Variants in PIGU observed in about 807,000 individuals in gnomAD.
PIGU encodes the protein phosphatidylinositol glycan anchor biosynthesis class U.
A neutral mutation model predicts 49.9 loss-of-function variants in PIGU; 24 were observed. The ratio of observed to expected loss-of-function variants is 0.48; its 90% CI spans 0.35 to 0.68. PIGU has a LOEUF of 0.68. Among genes scored for constraint, PIGU ranks in the 30% least tolerant of loss-of-function variants. The pLI, the probability that PIGU is intolerant of heterozygous loss-of-function variation, is 0.01. For missense variants in PIGU, 490 were observed against 532.6 expected (o/e 0.92, Z 0.79); for synonymous variants, 220 against 205.7 (o/e 1.07, Z -0.59).
At position 34,560,685 on chromosome 20, in the gene PIGU, C is replaced by G; in HGVS notation, c.*181G>C. On this transcript the variant is annotated 3_prime_UTR_variant, in exon 12 of 12. Coordinates refer to ENST00000217446, the MANE Select transcript of PIGU (RefSeq NM_080476.5). ...GGTCCAAGTTGGGGAGCTCCCAGTTCTTCCCCATAGGCCTTGCTGTCAGTC... is the reference window on the plus strand; with the variant it reads ...GGTCCAAGTTGGGGAGCTCCCAGTTGTTCCCCATAGGCCTTGCTGTCAGTC... The G allele has an allele frequency of 2.1e-6, 1 of 467,100 alleles. No individual in the cohort carries two copies. The highest frequency in any genetic ancestry group is 3.7e-6 in the Non-Finnish European group (1 of 266,892). The allele number at this position is 467,100 out of a possible 1,614,324, so 28.9% of individuals were successfully genotyped here.
chr20:34,590,577 GTAACATAACATAACATAACATAACA>G (rs10544376), intron 7 of PIGU, among the ~76,000 whole-genome samples: 12 of 140,638 alleles, frequency 8.5e-5, no homozygotes, highest in Middle Eastern at 3.5e-3. Context: ...ATAGCGTAAC[GTAACATAACATAACATAACATAACA>G]TAACATAACA....
chr20:34,632,265 A>T (rs1985807153), intron 6 of PIGU, among the ~76,000 whole-genome samples: 1 of 152,180 alleles, frequency 6.6e-6, no homozygotes. Context: ...AGGAAAAGTT[A>T]TTCGAGTCTA....
At chr20:34,671,125 T>C (rs1345331773) in intron 1 of PIGU, among the ~76,000 whole-genome samples, 1 of 152,232 alleles carries the variant, frequency 6.6e-6, no homozygotes, top group Non-Finnish European at 1.5e-5. Context: ...TCTCCATGCC[T>C]CAATTTTCTC....
At chr20:34,622,177 C>G (rs898199624) in intron 6 of PIGU, among the ~76,000 whole-genome samples, 1 of 152,150 alleles carries the variant, frequency 6.6e-6, no homozygotes, top group Non-Finnish European at 1.5e-5. Context: ...CGTATCTGTA[C>G]ACTAATGAGT....
At chr20:34,642,744 CTTTTTTT>C (rs946911419) in intron 4 of PIGU, among the ~76,000 whole-genome samples, 2 of 91,156 alleles carry the variant, frequency 2.2e-5, no homozygotes, top group African/African-American at 4.1e-5. Context: ...TTTCCCTAGT[CTTTTTTT>C]TTTTTTTTTT....
chr20:34,565,176 T>A (rs1191293381), intron 11 of PIGU, among the ~76,000 whole-genome samples: 2 of 152,126 alleles, frequency 1.3e-5, no homozygotes, highest in East Asian at 3.8e-4. Flanking sequence ...TGATATTAAG[T>A]CTCTTCCTGT....
intron 9 of PIGU, among the ~76,000 whole-genome samples, chr20:34,584,294 G>A (rs1406529694): frequency 1.3e-5 from 2 of 152,206 alleles, no homozygotes; most frequent in African/African-American, 4.8e-5. Flanking sequence ...AATGGAGCAG[G>A]CCTAACATCT....
intron 11 of PIGU, among the ~76,000 whole-genome samples, chr20:34,568,873 G>C (rs925670718): frequency 3.3e-5 from 5 of 152,202 alleles, no homozygotes; most frequent in Non-Finnish European, 7.3e-5. Context: ...ATAGGCAGTG[G>C]CTTGAGGAGT....
At chr20:34,666,534 AT>A (rs1235390539) in intron 1 of PIGU, among the ~76,000 whole-genome samples, 14 of 150,098 alleles carry the variant, frequency 9.3e-5, no homozygotes, top group Non-Finnish European at 2.1e-4. Context: ...TAATTTATTT[AT>A]TTATTTATTT....
intron 11 of PIGU, among the ~76,000 whole-genome samples, chr20:34,567,031 G>A (rs1328718615): frequency 2.0e-5 from 3 of 152,230 alleles, no homozygotes; most frequent in East Asian, 3.8e-4. Context: ...AGAGAAGCAG[G>A]TGCTATCACC....
rs534834142 is a variant in PIGU, at chr20:34,653,514, C to CT, written c.195+3665dup. ...ATACCCTTGGCTCTGAAATTTGTTT[C>CT]TTTTTTTTACTAACTTATTGTCTGT... On this transcript the variant is annotated intron_variant, in intron 2 of 11. Transcript: ENST00000217446. Among the ~76,000 whole-genome samples, 251 of 152,084 alleles carry CT rather than the reference C, an allele frequency of 1.7e-3. 2 individuals are homozygous for CT. The highest frequency in any genetic ancestry group is 5.6e-3 in the African/African-American group (233 of 41,500).
At chr20:34,584,137 T>C (rs1568625960) in intron 9 of PIGU, among the ~76,000 whole-genome samples, 1 of 152,176 alleles carries the variant, frequency 6.6e-6, no homozygotes, top group Non-Finnish European at 1.5e-5. Context: ...CACTGCTTAC[T>C]AGCTGTGTGA....
Position 34,632,486 on chromosome 20 carries a change from G to A in PIGU, c.529+2129C>T, listed in dbSNP as rs564530749. Among the ~76,000 whole-genome samples the A allele has an allele frequency of 4.6e-5, 7 of 151,650 alleles. No homozygotes were observed. The South Asian group carries it at 1.5e-3, about 32-fold the overall frequency. On this transcript the variant is annotated intron_variant, in intron 6 of 11. Transcript: ENST00000217446. ...CAGGTTCAAGCAATTCTCTGCCTCA[G>A]CCTCCCAAGTAGCTGGGATTACAGG...
chr20:34,619,507 G>GC (rs1985128384), intron 6 of PIGU, among the ~76,000 whole-genome samples: 1 of 152,198 alleles, frequency 6.6e-6, no homozygotes, highest in Non-Finnish European at 1.5e-5. Context: ...CGGATTGAAA[G>GC]CAGGCGAGAG....
In PIGU at chr20:34,615,977, C is replaced by A. The variant is rs186951737; in HGVS notation, c.627+65G>T. 2.5e-5 allele frequency: 38 copies of A among 1,529,740 alleles called. No individual in the cohort carries two copies. The East Asian group carries it at 5.5e-4, about 22-fold the overall frequency. The allele number at this position is 1,529,740 out of a possible 1,614,324, so 94.8% of individuals were successfully genotyped here. A position where few individuals can be genotyped will look rare whatever the true frequency, so the allele number is the denominator to read the frequency against. On this transcript the variant is annotated intron_variant, in intron 7 of 11. Transcript: ENST00000217446. ...ACTAACCCGTGCCCTTCCTTTCCCC[C>A]AGCAGGGACCAGGCCATGTATTAAA...
At chr20:34,668,454 T>C (rs1600674795) in intron 1 of PIGU, among the ~76,000 whole-genome samples, 2 of 81,798 alleles carry the variant, frequency 2.4e-5, no homozygotes, top group Admixed American at 2.1e-4. Flanking sequence ...AGAGCGAGAC[T>C]CCGTCTCAAA....
intron 10 of PIGU, among the ~76,000 whole-genome samples, chr20:34,580,214 T>C (rs898506023): frequency 2.2e-4 from 34 of 152,244 alleles, no homozygotes; most frequent in African/African-American, 8.2e-4. Flanking sequence ...GTCCATGTTT[T>C]GGTGGTCTCA....
At position 34,626,349 on chromosome 20, in the gene PIGU, C is replaced by G. The variant is rs146274530; in HGVS notation, c.529+8266G>C. On this transcript the variant is annotated intron_variant, in intron 6 of 11. Coordinates refer to ENST00000217446, the MANE Select transcript of PIGU (RefSeq NM_080476.5). ...CGGAGCTCCGCTTTTGTTGCCCAGGCTGGAGTGCAATGGCGTGATCTCGGC... is the reference window on the plus strand; with the variant it reads ...CGGAGCTCCGCTTTTGTTGCCCAGGGTGGAGTGCAATGGCGTGATCTCGGC... Among the ~76,000 whole-genome samples, 271 of 148,500 alleles carry G rather than the reference C, an allele frequency of 1.8e-3. 6 individuals are homozygous for G. In the East Asian group the frequency reaches 0.044, roughly 24 times the overall value.
intron 10 of PIGU, among the ~76,000 whole-genome samples, chr20:34,578,773 G>A (rs1238138573): frequency 3.9e-5 from 6 of 152,226 alleles, no homozygotes. Flanking sequence ...ATATGCCAGA[G>A]CAGATGGAGC....
Sources: allele counts gnomAD v4.1 joint callset (sites outside exome capture counted in the v4.1 genomes callset), GRCh38; gene constraint gnomAD v4.1.1; transcripts MANE v1.5; gene names NCBI Gene and HGNC (gene_info 2026-07-23, HGNC 2026-07-21).